Variants in UGT1A8 observed in about 807,000 individuals in gnomAD.
The protein encoded by UGT1A8 is UDP-glucuronosyltransferase 1A8.
In UGT1A8, 39 loss-of-function variants were observed where a neutral mutation model predicts 45.3. The observed-to-expected ratio is 0.86, with a 90% CI of 0.67 to 1.12. The LOEUF (loss-of-function observed/expected upper bound fraction) is 1.12, where lower values mean the gene tolerates loss of function less well. Ranked by LOEUF, UGT1A8 falls within the 50% of genes most tolerant of loss-of-function variation. UGT1A8 has a pLI of 0.00. For synonymous variants in UGT1A8, 275 were observed against 249.2 expected (o/e 1.10, Z -0.97); for missense variants, 719 against 664.9 (o/e 1.08, Z -0.90).
chr2:233,688,264 A>T (rs895656410), intron 1 of UGT1A8, among the ~76,000 whole-genome samples: 1 of 152,206 alleles, frequency 6.6e-6, no homozygotes, highest in African/African-American at 2.4e-5. Context: ...TACATGGCCG[A>T]ATATTCCATT....
In UGT1A8 at chr2:233,665,931, C is replaced by T. The variant is rs555973488; in HGVS notation, c.855+47369C>T. On this transcript the variant is annotated intron_variant, in intron 1 of 4. Coordinates refer to ENST00000373450, the MANE Select transcript of UGT1A8 (RefSeq NM_019076.5). ...CATATGAGAGGTCCAGCTGTTCATA[C>T]TCACCAACACTGGATGTCTTAGTCC... Among the ~76,000 whole-genome samples the T allele has an allele frequency of 2.0e-5, 3 of 152,296 alleles. No homozygotes were observed. In the East Asian group the frequency reaches 5.8e-4, roughly 29 times the overall value.
rs1239594110 is a variant in UGT1A8, at chr2:233,672,846, G to C, written c.855+54284G>C. 1.6e-5 allele frequency: 24 copies of C among 1,546,282 alleles called. No individual in the cohort carries two copies. In the South Asian group the frequency reaches 1.9e-4, roughly 12 times the overall value. On this transcript the variant is annotated intron_variant, in intron 1 of 4. Coordinates refer to ENST00000373450, the MANE Select transcript of UGT1A8 (RefSeq NM_019076.5). ...TACTTCACCTTTGGAAATTAAAAAA[G>C]GATTCTTTACTGAACTGTGATTTGA...
chr2:233,651,299 C>T (rs1393646861), intron 1 of UGT1A8, among the ~76,000 whole-genome samples: 4 of 152,016 alleles, frequency 2.6e-5, no homozygotes, highest in African/African-American at 7.3e-5. Flanking sequence ...ACAGGGTCAC[C>T]CAGAGGGCTT....
intron 1 of UGT1A8, among the ~76,000 whole-genome samples, chr2:233,716,316 T>C (rs1429812588): frequency 1.3e-5 from 2 of 152,236 alleles, no homozygotes; most frequent in Non-Finnish European, 2.9e-5. Context: ...CCACCTGTAA[T>C]GGAATATATT....
intron 1 of UGT1A8, among the ~76,000 whole-genome samples, chr2:233,732,023 C>A (rs1433025634): frequency 6.6e-6 from 1 of 152,226 alleles, no homozygotes; most frequent in Non-Finnish European, 1.5e-5. Context: ...ATTTGCATTT[C>A]TCTGATGACC....
chr2:233,744,390 C>A (rs894432341), intron 1 of UGT1A8, among the ~76,000 whole-genome samples: 4 of 151,862 alleles, frequency 2.6e-5, no homozygotes, highest in Non-Finnish European at 5.9e-5. Context: ...AACGTTCCAG[C>A]CCCGGTGCCC....
intron 1 of UGT1A8, among the ~76,000 whole-genome samples, chr2:233,621,002 A>G (rs1305866534): frequency 1.3e-5 from 2 of 152,150 alleles, no homozygotes; most frequent in African/African-American, 2.4e-5. Flanking sequence ...GTTTGCGTGC[A>G]GTGTCCCAGA....
chr2:233,617,634 T>C lies in UGT1A8; in HGVS notation c.-74T>C. 2.0e-6 allele frequency: 3 copies of C among 1,538,368 alleles called. No individual in the cohort carries two copies. Among genetic ancestry groups the C allele is most frequent in the East Asian group, 2.3e-5 (1 of 44,250 alleles). ...CGCCCTCTATTGGGGTCAGGTTTTG[T>C]GCCTGTAGTTCTTCCGCCTACTGTA... On this transcript the variant is annotated 5_prime_UTR_variant, in exon 1 of 5. Transcript: ENST00000373450.
At chr2:233,731,619 C>A (rs527896427) in intron 1 of UGT1A8, among the ~76,000 whole-genome samples, 1 of 152,252 alleles carries the variant, frequency 6.6e-6, no homozygotes, top group South Asian at 2.1e-4. Context: ...TGAACTCATC[C>A]TTTTTTATGG....
chr2:233,631,832 G>A (rs2073192051), intron 1 of UGT1A8, among the ~76,000 whole-genome samples: 1 of 152,108 alleles, frequency 6.6e-6, no homozygotes, highest in South Asian at 2.1e-4. Flanking sequence ...AAGCTGTTTA[G>A]TTTAATTAGA....
chr2:233,698,871 A>C (rs2075466762), intron 1 of UGT1A8, among the ~76,000 whole-genome samples: 1 of 152,220 alleles, frequency 6.6e-6, no homozygotes, highest in African/African-American at 2.4e-5. Flanking sequence ...TGACTTTGCG[A>C]CTTTGACCAA....
At chr2:233,696,255 C>T (rs1042325119) in intron 1 of UGT1A8, among the ~76,000 whole-genome samples, 1 of 152,186 alleles carries the variant, frequency 6.6e-6, no homozygotes, top group Non-Finnish European at 1.5e-5. Flanking sequence ...AAGCACACAT[C>T]AGTGAATGAA....
At chr2:233,705,008 C>T (rs750205782) in intron 1 of UGT1A8, among the ~76,000 whole-genome samples, 15 of 151,968 alleles carry the variant, frequency 9.9e-5, no homozygotes, top group African/African-American at 1.7e-4. Context: ...TGGTGGCAGG[C>T]GCCTGTAATC....
intron 1 of UGT1A8, chr2:233,728,971 AT>A: frequency 6.7e-7 from 1 of 1,483,170 alleles, no homozygotes; most frequent in Non-Finnish European, 9.0e-7. Flanking sequence ...ACAGTGATAG[AT>A]TAATGGTTAA....
intron 1 of UGT1A8, among the ~76,000 whole-genome samples, chr2:233,629,059 C>A (rs1258712406): frequency 6.6e-6 from 1 of 152,086 alleles, no homozygotes. Flanking sequence ...CCATTCATCT[C>A]TAGAACTCGC....
chr2:233,755,027 C>A (rs759197919), intron 1 of UGT1A8: 14 of 1,309,218 alleles, frequency 1.1e-5, no homozygotes, highest in Non-Finnish European at 1.4e-5. Flanking sequence ...CCTTGAAGGG[C>A]CTGCCGCCTG....
intron 1 of UGT1A8, among the ~76,000 whole-genome samples, chr2:233,665,496 G>A (rs1240014417): frequency 6.6e-6 from 1 of 152,182 alleles, no homozygotes; most frequent in African/African-American, 2.4e-5. Context: ...TTTTTGACTT[G>A]AAATACAGGA....
chr2:233,716,551 C>A (rs886765309), intron 1 of UGT1A8, among the ~76,000 whole-genome samples: 2 of 152,122 alleles, frequency 1.3e-5, no homozygotes, highest in Admixed American at 6.5e-5. Context: ...TCCTTATATT[C>A]CTTTTTTCAT....
At chr2:233,682,554 G>A (rs1475754418) in intron 1 of UGT1A8, 2 of 1,613,958 alleles carry the variant, frequency 1.2e-6, no homozygotes, top group African/African-American at 2.7e-5. Context: ...TTCAAGGAGA[G>A]AGTATGGAAC....
Sources: allele counts gnomAD v4.1 joint callset (sites outside exome capture counted in the v4.1 genomes callset), GRCh38; gene constraint gnomAD v4.1.1; transcripts MANE v1.5; gene names NCBI Gene and HGNC (gene_info 2026-07-23, HGNC 2026-07-21).